Variants in PRKAG2 observed in about 807,000 individuals in gnomAD.
PRKAG2 encodes protein kinase AMP-activated non-catalytic subunit gamma 2, also known as 5'-AMP-activated protein kinase subunit gamma-2.
In PRKAG2, 26 loss-of-function variants were observed where a neutral mutation model predicts 69.6. The ratio of observed to expected loss-of-function variants is 0.37; its 90% CI spans 0.27 to 0.52. The LOEUF is 0.52. PRKAG2 is among the 20% of genes least tolerant of loss of function. PRKAG2 has a pLI of 0.90. For missense variants in PRKAG2, 557 were observed against 740.0 expected (o/e 0.75, Z 2.87); for synonymous variants, 293 against 285.0 (o/e 1.03, Z -0.28).
intron 3 of PRKAG2, among the ~76,000 whole-genome samples, chr7:151,684,851 T>A (rs1834476282): frequency 6.6e-6 from 1 of 152,178 alleles, no homozygotes; most frequent in South Asian, 2.1e-4. Context: ...CAATGCACTC[T>A]GGAAGCTGTT....
chr7:151,875,800 T>C (rs1006677862), intron 1 of PRKAG2, among the ~76,000 whole-genome samples: 1 of 151,894 alleles, frequency 6.6e-6, no homozygotes, highest in Admixed American at 6.5e-5. Flanking sequence ...CGCAGGCAGA[T>C]CCGAGTCGCC....
At chr7:151,688,191 T>C (rs1219690852) in intron 3 of PRKAG2, among the ~76,000 whole-genome samples, 1 of 152,170 alleles carries the variant, frequency 6.6e-6, no homozygotes, top group Non-Finnish European at 1.5e-5. Flanking sequence ...GGGGAAAGGC[T>C]TCCTGGCCCT....
intron 1 of PRKAG2, among the ~76,000 whole-genome samples, chr7:151,812,948 C>CA (rs1554610336): frequency 2.0e-5 from 3 of 148,338 alleles, no homozygotes; most frequent in Non-Finnish European, 4.5e-5. Flanking sequence ...AAAAAAAAAA[C>CA]CACACACACA....
At position 151,827,756 on chromosome 7, in the gene PRKAG2, A is replaced by C. The variant is rs939101826; in HGVS notation, c.115-41215T>G. Among the ~76,000 whole-genome samples, 231 of 148,724 alleles carry C rather than the reference A, an allele frequency of 1.6e-3. 1 individual carries two copies. The highest frequency in any genetic ancestry group is 5.5e-3 in the African/African-American group (225 of 40,842). ...GAGGTGGCCTTAGGTAAAAAAAAAAAAAAAAAAAAAAAAAAAAACTGCCTT... is the reference window on the plus strand; with the variant it reads ...GAGGTGGCCTTAGGTAAAAAAAAAACAAAAAAAAAAAAAAAAAACTGCCTT... On this transcript the variant is annotated intron_variant, in intron 1 of 15. Coordinates refer to ENST00000287878, the MANE Select transcript of PRKAG2 (RefSeq NM_016203.4).
chr7:151,742,187 AC>A (rs2073940728), intron 3 of PRKAG2, among the ~76,000 whole-genome samples: 2 of 152,244 alleles, frequency 1.3e-5, no homozygotes, highest in South Asian at 4.1e-4. Context: ...ATCCATGTGC[AC>A]AGGAAAATTC....
chr7:151,726,147 G>A (rs1027322801), intron 3 of PRKAG2, among the ~76,000 whole-genome samples: 2 of 152,128 alleles, frequency 1.3e-5, no homozygotes, highest in Admixed American at 1.3e-4. Flanking sequence ...AGTCCTGCTA[G>A]TGGGGAAGCA....
chr7:151,834,853 G>A (rs188324933), intron 1 of PRKAG2, among the ~76,000 whole-genome samples: 5 of 152,344 alleles, frequency 3.3e-5, no homozygotes, highest in African/African-American at 1.2e-4. Flanking sequence ...TCAAGGTGTC[G>A]GCAGGGCTGG....
At chr7:151,736,329 G>C (rs1330082014) in intron 3 of PRKAG2, 11 of 1,121,224 alleles carry the variant, frequency 9.8e-6, no homozygotes, top group Non-Finnish European at 1.1e-5. Flanking sequence ...ACAGAACTTC[G>C]CAGGGGATTT....
At chr7:151,851,253 G>A (rs980993899) in intron 1 of PRKAG2, among the ~76,000 whole-genome samples, 62 of 151,932 alleles carry the variant, frequency 4.1e-4, no homozygotes, top group Non-Finnish European at 7.2e-4. Flanking sequence ...CGGAACTGGA[G>A]TGAGCTTTCC....
At chr7:151,615,606 C>G (rs1819936925) in intron 5 of PRKAG2, among the ~76,000 whole-genome samples, 1 of 152,126 alleles carries the variant, frequency 6.6e-6, no homozygotes, top group South Asian at 2.1e-4. Flanking sequence ...GCAAAATAAA[C>G]TATCAACAGA....
At chr7:151,874,716 T>C (rs1292406274) in intron 1 of PRKAG2, among the ~76,000 whole-genome samples, 1 of 152,112 alleles carries the variant, frequency 6.6e-6, no homozygotes, top group Non-Finnish European at 1.5e-5. Context: ...TAAAACCTCA[T>C]GTCTACAAAA....
intron 1 of PRKAG2, among the ~76,000 whole-genome samples, chr7:151,861,913 T>C (rs561391080): frequency 1.8e-4 from 28 of 151,632 alleles, no homozygotes; most frequent in African/African-American, 6.1e-4. Context: ...CACTCTTCCA[T>C]TGGCAAGATA....
At position 151,836,290 on chromosome 7, in the gene PRKAG2, G is replaced by A. The variant is rs1003358755; in HGVS notation, c.114+40217C>T. 2.0e-4 allele frequency among the ~76,000 whole-genome samples: 31 copies of A among 152,164 alleles called. No individual in the cohort carries two copies. The highest frequency in any genetic ancestry group is 5.6e-4 in the African/African-American group (23 of 41,422). On this transcript the variant is annotated intron_variant, in intron 1 of 15. Coordinates refer to ENST00000287878, the MANE Select transcript of PRKAG2 (RefSeq NM_016203.4). This position sits in a 1 kb window ranked among gnomAD's most constrained non-coding sequence, Gnocchi z 4.1. ...TTTCTGCCACCCCCAGCACCAGCCCGAGACAGACTGTGGTCTGACTGCAGG... is the reference window on the plus strand; with the variant it reads ...TTTCTGCCACCCCCAGCACCAGCCCAAGACAGACTGTGGTCTGACTGCAGG...
intron 2 of PRKAG2, among the ~76,000 whole-genome samples, chr7:151,785,757 TC>T (rs1400375358): frequency 6.6e-6 from 1 of 151,998 alleles, no homozygotes; most frequent in Non-Finnish European, 1.5e-5. Flanking sequence ...CACCCTTACT[TC>T]CTGGCTGCAG....
At chr7:151,557,353 G>A in intron 15 of PRKAG2, 121 bp from the exon 16 acceptor site, 1 of 1,605,720 alleles carries the variant, frequency 6.2e-7, no homozygotes, top group Non-Finnish European at 8.5e-7. Flanking sequence ...CTTCGGAGGA[G>A]GGCGATGTGG....
chr7:151,764,392 G>A (rs2075613873), intron 3 of PRKAG2, among the ~76,000 whole-genome samples: 1 of 152,162 alleles, frequency 6.6e-6, no homozygotes, highest in South Asian at 2.1e-4. Context: ...TTCCTTGGAT[G>A]CTTTTTCATT....
At chr7:151,817,019 G>A (rs1018741982) in intron 1 of PRKAG2, among the ~76,000 whole-genome samples, 2 of 152,078 alleles carry the variant, frequency 1.3e-5, no homozygotes, top group Non-Finnish European at 2.9e-5. Context: ...AGGGACCCAG[G>A]ATCACTCATT....
chr7:151,671,171 CAAAAAAAAAAAAA>C (rs11296795), intron 4 of PRKAG2, among the ~76,000 whole-genome samples: 5 of 55,416 alleles, frequency 9.0e-5, no homozygotes, highest in Non-Finnish European at 3.1e-5. Flanking sequence ...TAGACTGTCT[CAAAAAAAAAAAAA>C]AAAAAAAAAA....
At chr7:151,774,118 C>T (rs1199873549) in intron 3 of PRKAG2, among the ~76,000 whole-genome samples, 1 of 152,122 alleles carries the variant, frequency 6.6e-6, no homozygotes, top group Non-Finnish European at 1.5e-5. Context: ...CTCTGATCAT[C>T]AAAGGGAAGT....
Sources: gnomAD v4.1 joint callset for allele counts (sites outside exome capture counted in the v4.1 genomes callset) on GRCh38, gnomAD v4.1.1 for gene constraint, Gnocchi (gnomAD v3.1) non-coding constraint, MANE v1.5 for transcripts, NCBI Gene and HGNC (gene_info 2026-07-23, HGNC 2026-07-21) for gene names.